Variants in FOXP1 observed in about 807,000 individuals in gnomAD.
The protein encoded by FOXP1 is forkhead box P1.
A neutral mutation model predicts 98.2 loss-of-function variants in FOXP1; 15 were observed. The ratio of observed to expected loss-of-function variants is 0.15; its 90% CI spans 0.10 to 0.24. The LOEUF is 0.24. FOXP1 is among the 10% of genes least tolerant of loss of function. The pLI is 1.00. For synonymous variants in FOXP1, 371 were observed against 314.5 expected (o/e 1.18, Z -1.90); for missense variants, 633 against 848.5 (o/e 0.75, Z 3.15).
chr3:71,133,055 T>C (rs74848070), intron 6 of FOXP1, among the ~76,000 whole-genome samples: 3,101 of 151,986 alleles, frequency 0.02, 45 homozygotes, highest in Middle Eastern at 0.056. Flanking sequence ...ATATTCCATG[T>C]TGTTGCAATT....
At chr3:71,564,700 A>C (rs1255872436) in intron 2 of FOXP1, among the ~76,000 whole-genome samples, 1 of 152,268 alleles carries the variant, frequency 6.6e-6, no homozygotes, top group African/African-American at 2.4e-5. Context: ...TGTCAATTAC[A>C]GAGTTTTCTT....
intron 5 of FOXP1, among the ~76,000 whole-genome samples, chr3:71,212,910 T>C (rs751163740): frequency 8.6e-5 from 13 of 151,522 alleles, no homozygotes; most frequent in Non-Finnish European, 1.9e-4. Flanking sequence ...TATATTTTTA[T>C]GGGAACAATG....
intron 7 of FOXP1, among the ~76,000 whole-genome samples, chr3:71,061,637 T>C (rs548761940): frequency 3.2e-4 from 49 of 152,210 alleles, no homozygotes; most frequent in Non-Finnish European, 6.2e-4. Flanking sequence ...TTATTTACTC[T>C]AACCTTCTCG....
At chr3:71,403,408 G>A (rs945033100) in intron 3 of FOXP1, among the ~76,000 whole-genome samples, 1 of 152,246 alleles carries the variant, frequency 6.6e-6, no homozygotes, top group Non-Finnish European at 1.5e-5. Flanking sequence ...GAAGAAAAAA[G>A]GCAACAGAAA....
chr3:71,393,115 T>A (rs1318656258), intron 3 of FOXP1, among the ~76,000 whole-genome samples: 1 of 152,160 alleles, frequency 6.6e-6, no homozygotes. Context: ...CTTATTTAAT[T>A]ATAAAACATA....
Position 71,383,304 on chromosome 3 carries a change from G to A in FOXP1, c.-167-24060C>T, listed in dbSNP as rs549064864. 1.7e-3 allele frequency among the ~76,000 whole-genome samples: 253 copies of A among 152,270 alleles called. 1 individual carries two copies. Among genetic ancestry groups the A allele is most frequent in the African/African-American group, 5.6e-3 (234 of 41,536 alleles). On this transcript the variant is annotated intron_variant, in intron 3 of 20. Transcript: ENST00000649528. ...AAGAATTCATTATCAGAGAAGACTC[G>A]ATTAAAGAATGACATATAAAGTGTC...
intron 5 of FOXP1, among the ~76,000 whole-genome samples, chr3:71,271,812 A>G (rs1261937559): frequency 1.3e-5 from 2 of 152,222 alleles, no homozygotes; most frequent in African/African-American, 4.8e-5. Context: ...ATAACCACTA[A>G]TGTGCTTTCA....
chr3:71,162,565 A>G (rs947284867), intron 6 of FOXP1, among the ~76,000 whole-genome samples: 1 of 152,240 alleles, frequency 6.6e-6, no homozygotes, highest in African/African-American at 2.4e-5. Context: ...CCAAGGATAT[A>G]GCAGAGAACG....
chr3:71,461,574 G>A (rs751125780), intron 3 of FOXP1, among the ~76,000 whole-genome samples: 20 of 152,004 alleles, frequency 1.3e-4, no homozygotes, highest in Admixed American at 2.0e-4. Context: ...AGGCCGAAGC[G>A]GGTGGATCAC....
chr3:71,090,654 G>T (rs923914639), intron 7 of FOXP1, among the ~76,000 whole-genome samples: 1 of 152,188 alleles, frequency 6.6e-6, no homozygotes, highest in Non-Finnish European at 1.5e-5. Flanking sequence ...CCTTAAGAGT[G>T]CAGGGAAGAA....
intron 3 of FOXP1, among the ~76,000 whole-genome samples, chr3:71,476,899 C>A (rs1314853482): frequency 6.6e-6 from 1 of 152,144 alleles, no homozygotes; most frequent in East Asian, 1.9e-4. Context: ...AGGTCTATGA[C>A]ATTCCCCAAG....
intron 5 of FOXP1, among the ~76,000 whole-genome samples, chr3:71,261,526 T>C (rs1195494185): frequency 1.3e-5 from 2 of 152,216 alleles, no homozygotes; most frequent in African/African-American, 2.4e-5. Context: ...TCTGATGTAA[T>C]GCTGAAATTA....
chr3:71,112,432 A>T lies in FOXP1; in HGVS notation c.282+104T>A, dbSNP rs1162688178. ...ACCAAAAATGCACTTTCCACAGAAG[A>T]TTTTCTTACATGATTTGCAATGCTC... On this transcript the variant is annotated intron_variant, in intron 7 of 20. Coordinates refer to ENST00000649528, the MANE Select transcript of FOXP1 (RefSeq NM_001349338.3). 4.1e-6 allele frequency: 4 copies of T among 969,912 alleles called. No individual in the cohort carries two copies. The African/African-American group carries it at 4.8e-5, about 12-fold the overall frequency. The allele number at this position is 969,912 out of a possible 1,614,324, so 60.1% of individuals were successfully genotyped here.
At chr3:70,973,896 A>G (rs1192282434) in intron 17 of FOXP1, among the ~76,000 whole-genome samples, 1 of 124,786 alleles carries the variant, frequency 8.0e-6, no homozygotes, top group Non-Finnish European at 1.6e-5. Flanking sequence ...TCCTTCCTGA[A>G]TTATCCTTAA....
At chr3:71,433,197 T>TA (rs1394476012) in intron 3 of FOXP1, among the ~76,000 whole-genome samples, 1 of 152,124 alleles carries the variant, frequency 6.6e-6, no homozygotes, top group Non-Finnish European at 1.5e-5. Flanking sequence ...CATCAAATGG[T>TA]AAAAATCATG....
chr3:71,423,777 T>G (rs1401198044), intron 3 of FOXP1, among the ~76,000 whole-genome samples: 1 of 152,198 alleles, frequency 6.6e-6, no homozygotes, highest in Non-Finnish European at 1.5e-5. Flanking sequence ...GAAGTGCTAT[T>G]ATGCTCCCCC....
chr3:71,582,148 G>A (rs1248520594), intron 1 of FOXP1: 1 of 984,826 alleles, frequency 1.0e-6, no homozygotes, highest in Non-Finnish European at 1.2e-6. Flanking sequence ...TTCCGGGAGC[G>A]GAGCTCCCCA....
chr3:71,212,949 AAT>A (rs3033230), intron 5 of FOXP1, among the ~76,000 whole-genome samples: 52,966 of 147,518 alleles, frequency 0.36, 9,431 homozygotes, highest in Middle Eastern at 0.42. Context: ...ACAAAATGGG[AAT>A]ATATATATAT....
chr3:71,221,947 G>A (rs2065423087), intron 5 of FOXP1, among the ~76,000 whole-genome samples: 1 of 152,208 alleles, frequency 6.6e-6, no homozygotes, highest in African/African-American at 2.4e-5. Flanking sequence ...GAGGTGAAGA[G>A]ATCGAGACCA....
Sources: allele counts gnomAD v4.1 joint callset (sites outside exome capture counted in the v4.1 genomes callset), GRCh38; gene constraint gnomAD v4.1.1; transcripts MANE v1.5; gene names NCBI Gene and HGNC (gene_info 2026-07-23, HGNC 2026-07-21).